CSMD1: variants seen among roughly 807,000 people sequenced by gnomAD.
CSMD1 encodes the protein CUB and Sushi multiple domains 1.
CSMD1 carries 213 observed loss-of-function variants against 417.5 expected under a neutral mutation model. The observed-to-expected ratio is 0.51, with a 90% CI of 0.46 to 0.57. The LOEUF (loss-of-function observed/expected upper bound fraction) is 0.57. CSMD1 is among the 20% of genes least tolerant of loss of function. The pLI is 0.00. For missense variants in CSMD1, 6,923 were observed against 4,529.7 expected (o/e 1.53, Z -15.17); for synonymous variants, 2,862 against 1,736.8 (o/e 1.65, Z -16.11).
intron 25 of CSMD1, among the ~76,000 whole-genome samples, chr8:3,304,782 A>T (rs967236057): frequency 1.4e-4 from 22 of 151,992 alleles, no homozygotes; most frequent in African/African-American, 5.3e-4. Flanking sequence ...TCACCTGTAA[A>T]GAGTGAATCC....
At chr8:4,531,152 T>C (rs751663226) in intron 2 of CSMD1, among the ~76,000 whole-genome samples, 9 of 152,320 alleles carry the variant, frequency 5.9e-5, no homozygotes, top group Middle Eastern at 3.4e-3. Context: ...GTAGGACATT[T>C]TTTGTAGGAT....
intron 23 of CSMD1, among the ~76,000 whole-genome samples, chr8:3,325,011 A>T (rs1277518703): frequency 6.6e-6 from 1 of 152,240 alleles, no homozygotes; most frequent in Admixed American, 6.5e-5. Context: ...AGAAATACAA[A>T]TAGGCTTCAA....
chr8:4,953,488 A>C (rs13274629), intron 1 of CSMD1, among the ~76,000 whole-genome samples: 123,978 of 151,992 alleles, frequency 0.82, 50,757 homozygotes, highest in Admixed American at 0.87. Context: ...TTCTGGATGA[A>C]CCCAACATCG....
chr8:4,268,856 A>C lies in CSMD1; in HGVS notation c.415+151097T>G, dbSNP rs116530110. The stretch of plus-strand genomic sequence containing the variant: ...CTTAATATGGGAGAGATTTTCATAA[A>C]ACAAATCCCTTTCCACATAGAATGT... On this transcript the variant is annotated intron_variant, in intron 3 of 69. Coordinates refer to ENST00000635120, the MANE Select transcript of CSMD1 (RefSeq NM_033225.6). 7.2e-3 allele frequency among the ~76,000 whole-genome samples: 1,096 copies of C among 152,330 alleles called. 8 individuals carry two copies. The highest frequency in any genetic ancestry group is 0.025 in the African/African-American group (1,037 of 41,578).
At position 3,057,557 on chromosome 8, in the gene CSMD1, T is replaced by C. The variant is rs536299011; in HGVS notation, c.7475-4910A>G. ...AATTATGTCTTATTTTATACATGATTTTATAGTTATAGTGTTTTCACATCA... is the reference window on the plus strand; with the variant it reads ...AATTATGTCTTATTTTATACATGATCTTATAGTTATAGTGTTTTCACATCA... On this transcript the variant is annotated intron_variant, in intron 49 of 69. Coordinates refer to ENST00000635120, the MANE Select transcript of CSMD1 (RefSeq NM_033225.6). Among the ~76,000 whole-genome samples, 7 of 81,950 alleles carry C rather than the reference T, an allele frequency of 8.5e-5. No homozygotes were observed. The South Asian group carries it at 1.5e-3, about 17-fold the overall frequency. 53.8% of individuals were successfully genotyped at this position (81,950 alleles called of 152,430 possible). A position where few individuals can be genotyped will look rare whatever the true frequency, so the allele number is the denominator to read the frequency against.
intron 54 of CSMD1, among the ~76,000 whole-genome samples, chr8:2,983,911 T>C (rs1472763917): frequency 6.6e-6 from 1 of 152,206 alleles, no homozygotes; most frequent in Non-Finnish European, 1.5e-5. Context: ...GATTAAACTT[T>C]AAAAGCTAAA....
chr8:4,033,396 C>G (rs1430957762), intron 3 of CSMD1, among the ~76,000 whole-genome samples: 1 of 152,116 alleles, frequency 6.6e-6, no homozygotes, highest in East Asian at 1.9e-4. Context: ...GAGCCGAGAT[C>G]GCACCACTGC....
intron 3 of CSMD1, among the ~76,000 whole-genome samples, chr8:4,207,446 A>C (rs1416270098): frequency 1.3e-5 from 2 of 152,174 alleles, no homozygotes; most frequent in Non-Finnish European, 2.9e-5. Flanking sequence ...ACAGTCATTT[A>C]ATTGAACCAT....
chr8:4,153,581 C>A (rs1796679215), intron 3 of CSMD1, among the ~76,000 whole-genome samples: 1 of 152,222 alleles, frequency 6.6e-6, no homozygotes, highest in Non-Finnish European at 1.5e-5. Context: ...ATGCTGCATT[C>A]CGTCACAGGG....
chr8:4,781,229 G>C lies in CSMD1; in HGVS notation c.86-143671C>G, dbSNP rs544861006. Among the ~76,000 whole-genome samples the C allele has an allele frequency of 2.1e-3, 318 of 152,302 alleles. 3 individuals carry two copies. The highest frequency in any genetic ancestry group is 7.4e-3 in the African/African-American group (307 of 41,570). On this transcript the variant is annotated intron_variant, in intron 1 of 69. Coordinates refer to ENST00000635120, the MANE Select transcript of CSMD1 (RefSeq NM_033225.6). ...AAGCCTGAAGGGCATTATGTGGTGAGGCACAATGGCTAAGCATGATGAGGG... is the reference window on the plus strand; with the variant it reads ...AAGCCTGAAGGGCATTATGTGGTGACGCACAATGGCTAAGCATGATGAGGG...
intron 3 of CSMD1, among the ~76,000 whole-genome samples, chr8:4,415,704 T>C (rs1412852219): frequency 6.6e-6 from 1 of 152,196 alleles, no homozygotes; most frequent in Non-Finnish European, 1.5e-5. Flanking sequence ...GCTGATTAAA[T>C]AAATGAGAGA....
At chr8:4,978,358 G>T (rs984348885) in intron 1 of CSMD1, among the ~76,000 whole-genome samples, 5 of 152,064 alleles carry the variant, frequency 3.3e-5, no homozygotes, top group African/African-American at 9.7e-5. Flanking sequence ...GAAGGAAAAA[G>T]CCAGATCACA....
At chr8:3,718,681 G>A (rs1253853325) in intron 6 of CSMD1, among the ~76,000 whole-genome samples, 6 of 152,160 alleles carry the variant, frequency 3.9e-5, no homozygotes, top group Non-Finnish European at 7.3e-5. Flanking sequence ...AAACCTTGAT[G>A]ACTGAACTCT....
intron 26 of CSMD1, among the ~76,000 whole-genome samples, chr8:3,252,138 A>T (rs182932813): frequency 9.2e-5 from 14 of 152,134 alleles, no homozygotes; most frequent in Admixed American, 4.6e-4. Context: ...CTGTCTTGTG[A>T]CAGTTTGCAA....
intron 5 of CSMD1, among the ~76,000 whole-genome samples, chr8:3,797,576 G>T (rs751974309): frequency 6.6e-6 from 1 of 151,800 alleles, no homozygotes; most frequent in African/African-American, 2.4e-5. Flanking sequence ...ATATTTTCAA[G>T]ATTCACAAAT....
chr8:4,844,050 G>A (rs1800992440), intron 1 of CSMD1, among the ~76,000 whole-genome samples: 1 of 152,190 alleles, frequency 6.6e-6, no homozygotes, highest in South Asian at 2.1e-4. Flanking sequence ...CTGCATGCAT[G>A]TTAAATGCCT....
chr8:4,874,613 A>T (rs1471089322), intron 1 of CSMD1, among the ~76,000 whole-genome samples: 2 of 151,446 alleles, frequency 1.3e-5, no homozygotes, highest in Non-Finnish European at 1.5e-5. Context: ...CTGGTCTCGA[A>T]CTCCTGACCT....
intron 3 of CSMD1, among the ~76,000 whole-genome samples, chr8:4,129,783 T>A (rs980685551): frequency 1.3e-5 from 2 of 152,162 alleles, no homozygotes; most frequent in Admixed American, 1.3e-4. Context: ...ACAATTTAAT[T>A]TTCTCCATTT....
At chr8:4,069,782 T>C (rs1220169793) in intron 3 of CSMD1, among the ~76,000 whole-genome samples, 6 of 152,344 alleles carry the variant, frequency 3.9e-5, no homozygotes, top group African/African-American at 1.4e-4. Context: ...ACTCCTGTTT[T>C]GGTGTTAAAC....
Sources: gnomAD v4.1 joint callset for allele counts (sites outside exome capture counted in the v4.1 genomes callset) on GRCh38, gnomAD v4.1.1 for gene constraint, MANE v1.5 for transcripts, NCBI Gene and HGNC (gene_info 2026-07-23, HGNC 2026-07-21) for gene names.